Variants in NAALADL2 observed in about 807,000 individuals in gnomAD.
NAALADL2 encodes inactive N-acetylated-alpha-linked acidic dipeptidase-like protein 2.
In NAALADL2, 76 loss-of-function variants were observed where a neutral mutation model predicts 87.2. The observed-to-expected ratio is 0.87, with a 90% CI of 0.72 to 1.05. NAALADL2 has a LOEUF of 1.05. Ranked by LOEUF, NAALADL2 falls within the 50% of genes least tolerant of loss-of-function variation. The pLI, the probability that NAALADL2 is intolerant of heterozygous loss-of-function variation, is 0.00. For synonymous variants in NAALADL2, 354 were observed against 331.0 expected, an observed-to-expected ratio of 1.07 and a Z score of -0.75; for missense variants, 1,089 against 945.8, an observed-to-expected ratio of 1.15 and a Z score of -1.99.
At chr3:175,261,424 G>T (rs1347965718) in intron 4 of NAALADL2, among the ~76,000 whole-genome samples, 2 of 152,072 alleles carry the variant, frequency 1.3e-5, no homozygotes, top group Non-Finnish European at 2.9e-5. Context: ...ATGGAGGTTG[G>T]GCTGTTGTCT....
chr3:175,737,583 G>T (rs1246486524), intron 12 of NAALADL2, among the ~76,000 whole-genome samples, 184 bp downstream of exon 12: 1 of 152,076 alleles, frequency 6.6e-6, no homozygotes, highest in Non-Finnish European at 1.5e-5. Context: ...TGAGATGCAC[G>T]GATGTGTAAG....
chr3:174,455,578 CAGTA>C (rs1243213273), intron 1 of NAALADL2, among the ~76,000 whole-genome samples: 5 of 152,252 alleles, frequency 3.3e-5, no homozygotes, highest in South Asian at 4.2e-4. Context: ...ATACAGAAAT[CAGTA>C]AGTGTGATTC....
intron 2 of NAALADL2, among the ~76,000 whole-genome samples, chr3:174,583,139 A>G (rs1203910213): frequency 9.2e-5 from 14 of 152,216 alleles, no homozygotes; most frequent in Admixed American, 9.2e-4. Context: ...AGATAACACT[A>G]ATGCAAAATG....
intron 2 of NAALADL2, among the ~76,000 whole-genome samples, chr3:174,683,828 A>C (rs899875783): frequency 6.6e-6 from 1 of 152,066 alleles, no homozygotes; most frequent in Admixed American, 6.6e-5. Context: ...CACACTGTGC[A>C]TGCAATTTAA....
In NAALADL2 at chr3:175,757,940, C is replaced by T. The variant is rs886309141; in HGVS notation, c.2189+2522C>T. On this transcript the variant is annotated intron_variant, in intron 13 of 13. Coordinates refer to ENST00000454872, the MANE Select transcript of NAALADL2 (RefSeq NM_207015.3). ...TTAAAGAAAAATTCAGAAATTAATA[C>T]AAATTATATGTAAAGAACATAGTTT... 5.3e-5 allele frequency among the ~76,000 whole-genome samples: 8 copies of T among 151,936 alleles called. No homozygotes were observed. The East Asian group carries it at 1.5e-3, about 29-fold the overall frequency.
chr3:175,677,022 T>C (rs1288802447), intron 11 of NAALADL2, among the ~76,000 whole-genome samples: 5 of 152,158 alleles, frequency 3.3e-5, no homozygotes, highest in Non-Finnish European at 5.9e-5. Flanking sequence ...ATATTTACCT[T>C]TGTCTTTAAA....
At chr3:175,492,614 T>C (rs967322870) in intron 9 of NAALADL2, among the ~76,000 whole-genome samples, 4 of 152,166 alleles carry the variant, frequency 2.6e-5, no homozygotes, top group Non-Finnish European at 5.9e-5. Flanking sequence ...ATTCCAAGCA[T>C]TAATAGATCG....
intron 1 of NAALADL2, among the ~76,000 whole-genome samples, chr3:175,033,383 G>T (rs1753010807): frequency 6.6e-6 from 1 of 152,022 alleles, no homozygotes; most frequent in South Asian, 2.1e-4. Context: ...AGATGATATT[G>T]TCTGTCTTGA....
intron 1 of NAALADL2, among the ~76,000 whole-genome samples, chr3:174,928,236 A>G (rs1736368543): frequency 6.6e-6 from 1 of 152,092 alleles, no homozygotes; most frequent in Non-Finnish European, 1.5e-5. Flanking sequence ...CCCTTATGTG[A>G]CATCTGTTAT....
At chr3:175,489,260 G>T (rs1417736030) in intron 9 of NAALADL2, among the ~76,000 whole-genome samples, 1 of 151,924 alleles carries the variant, frequency 6.6e-6, no homozygotes, top group East Asian at 1.9e-4. Flanking sequence ...AAGAAGAATG[G>T]GTTATAGTTA....
chr3:175,045,417 C>T (rs1754550406), intron 1 of NAALADL2, among the ~76,000 whole-genome samples: 2 of 152,112 alleles, frequency 1.3e-5, no homozygotes, highest in Non-Finnish European at 2.9e-5. Flanking sequence ...TATCTTTTCT[C>T]AAAATATGGG....
chr3:174,760,618 C>G (rs1712802998), intron 3 of NAALADL2, among the ~76,000 whole-genome samples: 1 of 152,218 alleles, frequency 6.6e-6, no homozygotes, highest in Non-Finnish European at 1.5e-5. Context: ...GAAGGCAGGT[C>G]TCTACTGGAT....
intron 1 of NAALADL2, among the ~76,000 whole-genome samples, chr3:174,929,836 A>G (rs1414803345): frequency 6.6e-6 from 1 of 152,170 alleles, no homozygotes; most frequent in Non-Finnish European, 1.5e-5. Flanking sequence ...CAACTTAATT[A>G]ACATTTCTAT....
chr3:175,027,867 T>G (rs1276750387), intron 1 of NAALADL2, among the ~76,000 whole-genome samples: 2 of 152,064 alleles, frequency 1.3e-5, no homozygotes, highest in Non-Finnish European at 2.9e-5. Flanking sequence ...GCATTTATTT[T>G]GAACATCTAG....
chr3:174,882,638 C>CATATACGCATATGTGTATATGCAT (rs1348974465), intron 1 of NAALADL2, among the ~76,000 whole-genome samples: 2 of 81,290 alleles, frequency 2.5e-5, no homozygotes, highest in African/African-American at 1.2e-4. Flanking sequence ...TGCATATACA[C>CATATACGCATATGTGTATATGCAT]ATATGTGCAT....
intron 1 of NAALADL2, among the ~76,000 whole-genome samples, chr3:174,947,714 A>G (rs1210646580): frequency 6.6e-6 from 1 of 152,042 alleles, no homozygotes; most frequent in African/African-American, 2.4e-5. Flanking sequence ...CCACATGAAT[A>G]GTGATATATA....
chr3:175,154,723 G>A (rs1285235654), intron 2 of NAALADL2, among the ~76,000 whole-genome samples: 1 of 152,002 alleles, frequency 6.6e-6, no homozygotes, highest in Non-Finnish European at 1.5e-5. Context: ...TTACTTCTGA[G>A]GAATTAATGA....
chr3:175,710,356 G>A (rs2149998691), intron 11 of NAALADL2, among the ~76,000 whole-genome samples: 1 of 152,078 alleles, frequency 6.6e-6, no homozygotes, highest in East Asian at 1.9e-4. Flanking sequence ...AAAAGAATAA[G>A]AGGGTTGATT....
chr3:175,680,637 C>T (rs1273299910), intron 11 of NAALADL2, among the ~76,000 whole-genome samples: 1 of 152,122 alleles, frequency 6.6e-6, no homozygotes, highest in African/African-American at 2.4e-5. Context: ...ACTCATAGTA[C>T]AGATAAGCAA....
Sources: gnomAD v4.1 joint callset for allele counts (sites outside exome capture counted in the v4.1 genomes callset) on GRCh38, gnomAD v4.1.1 for gene constraint, MANE v1.5 for transcripts, NCBI Gene and HGNC (gene_info 2026-07-23, HGNC 2026-07-21) for gene names.